The following ERI3 variants were observed in gnomAD, a reference collection of about 807,000 sequenced individuals.
ERI3 encodes ERI1 exoribonuclease family member 3.
In ERI3, 18 loss-of-function variants were observed where a neutral mutation model predicts 44.4. The observed-to-expected ratio is 0.41, with a 90% CI of 0.28 to 0.60. The LOEUF (loss-of-function observed/expected upper bound fraction) is 0.60. ERI3 is among the 20% of genes least tolerant of loss of function. ERI3 has a pLI of 0.36. For synonymous variants in ERI3, 183 were observed against 164.8 expected, an observed-to-expected ratio of 1.11 and a Z score of -0.84; for missense variants, 294 against 435.5, an observed-to-expected ratio of 0.68 and a Z score of 2.89.
chr1:44,273,103 C>T (rs952599838), intron 7 of ERI3, among the ~76,000 whole-genome samples: 7 of 152,158 alleles, frequency 4.6e-5, no homozygotes, highest in African/African-American at 1.7e-4. Flanking sequence ...AAGGTACTGT[C>T]CTGATTCTTG....
At chr1:44,324,440 G>A (rs1220086633) in intron 3 of ERI3, among the ~76,000 whole-genome samples, 1 of 148,048 alleles carries the variant, frequency 6.8e-6, no homozygotes, top group Non-Finnish European at 1.5e-5. Flanking sequence ...CAACTGTTTG[G>A]TTGATCAGGA....
intron 7 of ERI3, among the ~76,000 whole-genome samples, chr1:44,269,871 G>A: frequency 6.6e-6 from 1 of 152,194 alleles, no homozygotes. Flanking sequence ...AGGGACAATA[G>A]CCCTCACAGC....
intron 7 of ERI3, among the ~76,000 whole-genome samples, chr1:44,281,601 A>AAAAAAAAT (rs1460400186): frequency 8.1e-4 from 104 of 128,006 alleles, no homozygotes; most frequent in Non-Finnish European, 1.0e-3. Flanking sequence ...AAAAAAAAAA[A>AAAAAAAAT]ATATATATAT....
chr1:44,254,673 C>T (rs931975432), intron 7 of ERI3, among the ~76,000 whole-genome samples: 5 of 152,164 alleles, frequency 3.3e-5, no homozygotes, highest in African/African-American at 1.2e-4. Context: ...ATGGTACTCA[C>T]CAACCCTAAT....
At chr1:44,329,864 C>T (rs1646393720) in intron 3 of ERI3, among the ~76,000 whole-genome samples, 1 of 152,228 alleles carries the variant, frequency 6.6e-6, no homozygotes, top group Non-Finnish European at 1.5e-5. Context: ...CTCAGTACCA[C>T]TGACTCCTCA....
intron 6 of ERI3, among the ~76,000 whole-genome samples, chr1:44,285,877 C>T (rs895546908): frequency 4.6e-5 from 7 of 152,184 alleles, no homozygotes; most frequent in African/African-American, 1.7e-4. Flanking sequence ...AGCTTTGCTA[C>T]AGGCAATGGA....
chr1:44,243,698 G>C (rs1033552820), intron 8 of ERI3: 5 of 152,258 alleles, frequency 3.3e-5, no homozygotes, highest in Admixed American at 3.3e-4. Context: ...GGTGACTGTA[G>C]CAGCAGAGAG....
chr1:44,289,792 G>A (rs1033627516), intron 6 of ERI3, among the ~76,000 whole-genome samples: 18 of 152,254 alleles, frequency 1.2e-4, no homozygotes, highest in Non-Finnish European at 5.9e-5. Context: ...GTATGGCCAC[G>A]GTGAAGCCCT....
At chr1:44,307,077 A>G (rs1645852763) in intron 6 of ERI3, among the ~76,000 whole-genome samples, 2 of 152,154 alleles carry the variant, frequency 1.3e-5, no homozygotes, top group South Asian at 2.1e-4. Context: ...CCTGACAAAG[A>G]GATGTCATGT....
intron 7 of ERI3, among the ~76,000 whole-genome samples, chr1:44,280,364 GCC>G (rs1312665513): frequency 6.6e-6 from 1 of 152,124 alleles, no homozygotes; most frequent in African/African-American, 2.4e-5. Flanking sequence ...TCAGGAATTG[GCC>G]CATTTCTCTA....
rs1430925959 is a variant in ERI3 at position 44,228,711 on chromosome 1, C to T, written c.932-7071G>A. 6.6e-6 allele frequency among the ~76,000 whole-genome samples: 1 copy of T among 152,114 alleles called. No homozygotes were observed. Among genetic ancestry groups the T allele is most frequent in the African/African-American group, 2.4e-5 (1 of 41,424 alleles). On this transcript the variant is annotated intron_variant, in intron 8 of 8. Coordinates refer to ENST00000372257, the MANE Select transcript of ERI3 (RefSeq NM_024066.3). The surrounding 1 kb of genome is among the most constrained non-coding windows in gnomAD (Gnocchi z 4.3). ...GGGTGGAGGGGGGGATGTGCCTGGC[C>T]GGGAGGGCACAGTGCCTGGAAACCC...
chr1:44,226,816 A>AC (rs1557764563), intron 8 of ERI3, among the ~76,000 whole-genome samples: 13 of 87,402 alleles, frequency 1.5e-4, no homozygotes, highest in East Asian at 2.8e-4. Context: ...CACACACACA[A>AC]ACTATCCTAT....
intron 6 of ERI3, among the ~76,000 whole-genome samples, chr1:44,297,342 G>C (rs1263184202): frequency 6.6e-6 from 1 of 152,012 alleles, no homozygotes; most frequent in East Asian, 1.9e-4. Context: ...GCCAGGTGAA[G>C]CCTTGAGTTC....
At chr1:44,298,578 A>G (rs1645657917) in intron 6 of ERI3, among the ~76,000 whole-genome samples, 1 of 152,246 alleles carries the variant, frequency 6.6e-6, no homozygotes, top group South Asian at 2.1e-4. Context: ...TTCTTGATAC[A>G]TACAATGCAC....
intron 6 of ERI3, among the ~76,000 whole-genome samples, chr1:44,296,883 G>T (rs1376258064): frequency 6.6e-6 from 1 of 152,328 alleles, no homozygotes; most frequent in East Asian, 1.9e-4. Context: ...GGTGGTGGAA[G>T]AAGAGAGTGT....
At chr1:44,299,624 G>C (rs965251434) in intron 6 of ERI3, among the ~76,000 whole-genome samples, 1 of 152,152 alleles carries the variant, frequency 6.6e-6, no homozygotes, top group African/African-American at 2.4e-5. Flanking sequence ...TGGGAAAAAA[G>C]GTCTTCCAGC....
intron 5 of ERI3, among the ~76,000 whole-genome samples, chr1:44,310,835 T>G (rs1645940127): frequency 6.6e-6 from 1 of 151,698 alleles, no homozygotes; most frequent in Non-Finnish European, 1.5e-5. Context: ...CTCTTTACAG[T>G]CTGTACACCA....
At chr1:44,300,234 A>G (rs1322169435) in intron 6 of ERI3, among the ~76,000 whole-genome samples, 2 of 152,178 alleles carry the variant, frequency 1.3e-5, no homozygotes, top group Non-Finnish European at 2.9e-5. Context: ...TTAAGCAAGT[A>G]CCTTTACCTT....
intron 7 of ERI3, among the ~76,000 whole-genome samples, chr1:44,264,080 C>T (rs1397389882): frequency 1.3e-5 from 2 of 152,200 alleles, no homozygotes; most frequent in Non-Finnish European, 2.9e-5. Flanking sequence ...TAGCACAGAG[C>T]AGGAAAGGAG....
Sources: allele counts gnomAD v4.1 joint callset (sites outside exome capture counted in the v4.1 genomes callset), GRCh38; gene constraint gnomAD v4.1.1; non-coding constraint Gnocchi (gnomAD v3.1); transcripts MANE v1.5; gene names NCBI Gene and HGNC (gene_info 2026-07-23, HGNC 2026-07-21).